Variants in COLEC10 observed in about 807,000 individuals in gnomAD.
COLEC10 encodes collectin subfamily member 10, also known as collectin-10.
COLEC10 carries 22 observed loss-of-function variants against 28.4 expected under a neutral mutation model. That is an observed-to-expected ratio of 0.78 (90% CI 0.55 to 1.11). COLEC10 has a LOEUF of 1.11. COLEC10 is among the 50% of genes least tolerant of loss of function. The probability of loss-of-function intolerance (pLI) is 0.00; values close to 1 mark genes in which losing one functional copy is unlikely to be tolerated. For synonymous variants in COLEC10, 125 were observed against 116.1 expected (o/e 1.08, Z -0.49); for missense variants, 361 against 344.1 (o/e 1.05, Z -0.39).
chr8:119,025,529 G>T (rs1342236309), intron 2 of COLEC10, among the ~76,000 whole-genome samples: 1 of 152,134 alleles, frequency 6.6e-6, no homozygotes, highest in Non-Finnish European at 1.5e-5. Context: ...TAGTGTAATG[G>T]CAGGGCAAGC....
At chr8:118,961,565 A>C in the COLEC10 span, among the ~76,000 whole-genome samples, 2 of 152,170 alleles carry the variant, frequency 1.3e-5, no homozygotes, top group African/African-American at 4.8e-5. Context: ...GCTATGAGAC[A>C]TGTTGCACTT....
upstream of COLEC10, among the ~76,000 whole-genome samples, chr8:118,992,795 C>T (rs1031552671): frequency 2.3e-4 from 35 of 152,222 alleles, no homozygotes; most frequent in African/African-American, 6.7e-4. Context: ...GTAGAATATT[C>T]ACATCAAACA....
chr8:119,092,720 A>G (rs1815633023), intron 3 of COLEC10, among the ~76,000 whole-genome samples: 1 of 152,202 alleles, frequency 6.6e-6, no homozygotes, highest in South Asian at 2.1e-4. Flanking sequence ...AGCCTGGCCA[A>G]GATAGCAAAA....
chr8:119,066,785 G>T (rs1814972761), upstream of COLEC10, among the ~76,000 whole-genome samples: 5 of 152,162 alleles, frequency 3.3e-5, no homozygotes, highest in South Asian at 1.0e-3. Flanking sequence ...GAGTAAGAAG[G>T]TCATGGAGGG....
intron 2 of COLEC10, among the ~76,000 whole-genome samples, chr8:119,026,701 G>A (rs997473923): frequency 3.9e-5 from 6 of 152,212 alleles, no homozygotes; most frequent in East Asian, 1.9e-4. Context: ...ATCAACACCT[G>A]TGGGGGTTAG....
At chr8:118,965,470 C>G in the COLEC10 span, among the ~76,000 whole-genome samples, 92 of 152,068 alleles carry the variant, frequency 6.0e-4, no homozygotes, top group Non-Finnish European at 1.2e-3. Flanking sequence ...CTCTTCTTGC[C>G]CCATTTTCCC....
intron 2 of COLEC10, among the ~76,000 whole-genome samples, chr8:119,052,910 C>A (rs1455130136): frequency 6.6e-6 from 1 of 151,842 alleles, no homozygotes; most frequent in African/African-American, 2.4e-5. Context: ...CTTTGGCAGC[C>A]AAAGAGAGCC....
upstream of COLEC10, chr8:119,067,239 T>G (rs1814983701): frequency 5.0e-6 from 8 of 1,604,252 alleles, no homozygotes; most frequent in Non-Finnish European, 6.8e-6. Context: ...TAAAGCTGTT[T>G]ATTTGGCATT....
At chr8:119,030,692 T>C (rs975686269) in intron 2 of COLEC10, among the ~76,000 whole-genome samples, 1 of 152,218 alleles carries the variant, frequency 6.6e-6, no homozygotes, top group Admixed American at 6.5e-5. Flanking sequence ...ATGCATGCAG[T>C]GAGCTTAGAA....
At chr8:119,028,189 G>A (rs1814227808) in intron 2 of COLEC10, among the ~76,000 whole-genome samples, 1 of 151,784 alleles carries the variant, frequency 6.6e-6, no homozygotes, top group Admixed American at 6.6e-5. Context: ...TCTTAGAAGT[G>A]TGTCTGGCAT....
At chr8:119,030,020 C>T (rs1487130424) in intron 2 of COLEC10, among the ~76,000 whole-genome samples, 1 of 152,144 alleles carries the variant, frequency 6.6e-6, no homozygotes, top group Non-Finnish European at 1.5e-5. Flanking sequence ...CCTACTCATC[C>T]TCCTTTGGCC....
At chr8:119,043,937 A>G (rs922653295) in intron 2 of COLEC10, among the ~76,000 whole-genome samples, 20 of 152,216 alleles carry the variant, frequency 1.3e-4, no homozygotes, top group Admixed American at 1.2e-3. Context: ...CCTCTCTACT[A>G]TATCATAGTG....
At position 119,103,835 on chromosome 8, in the gene COLEC10, G is replaced by A; in HGVS notation, c.382G>A (p.Val128Ile). 2 of 1,612,850 alleles carry A rather than the reference G, an allele frequency of 1.2e-6. No homozygotes were observed. Among genetic ancestry groups the A allele is most frequent in the Non-Finnish European group, 1.7e-6 (2 of 1,179,120 alleles). ...VCDCGRYRKFVGQLDISIARL... is the reference protein window; with the variant it reads ...VCDCGRYRKFIGQLDISIARL... ...TGATTGTGGAAGATACCGGAAATTT[G>A]TTGGACAACTGGATATTAGTATTGC... Residue 128 changes from valine to isoleucine, a missense_variant, in exon 5 of 6, where the codon GTT (valine) becomes ATT (isoleucine). Coordinates refer to ENST00000332843, the MANE Select transcript of COLEC10 (RefSeq NM_006438.5).
the COLEC10 span, among the ~76,000 whole-genome samples, chr8:118,969,612 T>A: frequency 3.3e-5 from 5 of 152,080 alleles, no homozygotes; most frequent in Admixed American, 1.3e-4. Context: ...TGGTGAATTC[T>A]AATTGTGGTA....
intron 1 of COLEC10, among the ~76,000 whole-genome samples, chr8:119,074,166 C>A (rs996789): frequency 0.39 from 58,867 of 151,476 alleles, 12,039 homozygotes; most frequent in Non-Finnish European, 0.46. Flanking sequence ...GTGGGGGGAC[C>A]TAGAGACAAT....
chr8:118,954,401 C>A, the COLEC10 span, among the ~76,000 whole-genome samples: 3 of 152,298 alleles, frequency 2.0e-5, no homozygotes, highest in South Asian at 6.2e-4. Context: ...TCTAAGTAAT[C>A]CACTACTGTG....
At chr8:119,029,566 C>T (rs1455187117) in intron 2 of COLEC10, among the ~76,000 whole-genome samples, 2 of 152,110 alleles carry the variant, frequency 1.3e-5, no homozygotes, top group African/African-American at 2.4e-5. Context: ...ATCACACTCA[C>T]GTTTAGATGG....
intron 2 of COLEC10, among the ~76,000 whole-genome samples, chr8:119,040,106 C>T (rs1360106271): frequency 1.3e-5 from 2 of 152,138 alleles, no homozygotes; most frequent in East Asian, 1.9e-4. Flanking sequence ...CGTAAAGAAT[C>T]TTCTATCTCT....
At chr8:118,966,067 T>C in the COLEC10 span, among the ~76,000 whole-genome samples, 2 of 152,092 alleles carry the variant, frequency 1.3e-5, no homozygotes, top group Admixed American at 6.5e-5. Context: ...GGGAAAAATC[T>C]AAGTTAAATG....
Sources: gnomAD v4.1 joint callset for allele counts (sites outside exome capture counted in the v4.1 genomes callset) on GRCh38, gnomAD v4.1.1 for gene constraint, MANE v1.5 for transcripts, NCBI Gene and HGNC (gene_info 2026-07-23, HGNC 2026-07-21) for gene names.